Variants in CNTN6 observed in about 807,000 individuals in gnomAD.
CNTN6 encodes the protein contactin 6, also known as contactin-6.
A neutral mutation model predicts 122.8 loss-of-function variants in CNTN6; 137 were observed. That is an observed-to-expected ratio of 1.12 (90% CI 0.97 to 1.29). CNTN6 has a LOEUF of 1.29. Ranked by LOEUF, CNTN6 falls within the 50% of genes most tolerant of loss-of-function variation. The probability of loss-of-function intolerance (pLI) is 0.00; values close to 1 mark genes in which losing one functional copy is unlikely to be tolerated. For missense variants in CNTN6, 1,634 were observed against 1,223.4 expected, an observed-to-expected ratio of 1.34 and a Z score of -5.01; for synonymous variants, 570 against 426.0, an observed-to-expected ratio of 1.34 and a Z score of -4.16.
chr3:1,386,070 CCTT>C (rs1192132667), intron 20 of CNTN6, among the ~76,000 whole-genome samples: 1 of 152,172 alleles, frequency 6.6e-6, no homozygotes, highest in Admixed American at 6.5e-5. Flanking sequence ...CTGACGCCCT[CCTT>C]CTAAATGCAT....
chr3:1,288,661 A>G (rs1694766228), intron 5 of CNTN6, among the ~76,000 whole-genome samples: 2 of 152,212 alleles, frequency 1.3e-5, no homozygotes, highest in African/African-American at 4.8e-5. Context: ...GTGCCAATAG[A>G]AGTTGTCAGT....
intron 4 of CNTN6, among the ~76,000 whole-genome samples, chr3:1,242,395 G>A (rs59918436): frequency 0.093 from 13,929 of 149,676 alleles, 1,035 homozygotes; most frequent in East Asian, 0.33. Context: ...GGTTGATAAG[G>A]CGCAGATCCT....
At chr3:1,401,203 G>A (rs1305411228) in intron 20 of CNTN6, 2 of 435,818 alleles carry the variant, frequency 4.6e-6, no homozygotes, top group Admixed American at 8.7e-5. Context: ...TGGACATGCA[G>A]CAAGCCATTA....
intron 4 of CNTN6, among the ~76,000 whole-genome samples, chr3:1,245,206 ATATATATATAT>A (rs1559594748): frequency 0.016 from 139 of 8,830 alleles, 36 homozygotes; most frequent in African/African-American, 0.088. Context: ...TGATATATAT[ATATATATATAT>A]ATATATATAT....
In CNTN6 at chr3:1,105,994, C is replaced by T. The variant is rs550303167; in HGVS notation, c.-83+12874C>T. Reference sequence around the variant, plus strand: ...TGCCCTTGGTAACCATGATAATCCACTCCATGATGAAGCAGTCAGGAAATG... The same window carrying T: ...TGCCCTTGGTAACCATGATAATCCATTCCATGATGAAGCAGTCAGGAAATG... On this transcript the variant is annotated intron_variant, in intron 1 of 22. Transcript: ENST00000446702. 1.0e-3 allele frequency among the ~76,000 whole-genome samples: 153 copies of T among 152,240 alleles called. 1 individual carries two copies. The highest frequency in any genetic ancestry group is 1.8e-3 in the Non-Finnish European group (123 of 68,006).
chr3:1,240,985 C>T (rs978353488), intron 4 of CNTN6, among the ~76,000 whole-genome samples: 1 of 151,384 alleles, frequency 6.6e-6, no homozygotes, highest in Non-Finnish European at 1.5e-5. Flanking sequence ...AGTACATTCT[C>T]AAGGGTGGGG....
At chr3:1,242,418 A>G (rs907320073) in intron 4 of CNTN6, among the ~76,000 whole-genome samples, 7 of 152,148 alleles carry the variant, frequency 4.6e-5, no homozygotes, top group African/African-American at 1.7e-4. Flanking sequence ...ACTAATCTGT[A>G]AGACTTGTCC....
chr3:1,177,994 G>A (rs1203676091), intron 2 of CNTN6, among the ~76,000 whole-genome samples: 6 of 150,820 alleles, frequency 4.0e-5, no homozygotes, highest in Non-Finnish European at 8.9e-5. Flanking sequence ...TCTGCCTCCC[G>A]GATTCAAGCA....
At chr3:1,294,511 G>A (rs1244316191) in intron 5 of CNTN6, among the ~76,000 whole-genome samples, 3 of 152,260 alleles carry the variant, frequency 2.0e-5, no homozygotes, top group South Asian at 2.1e-4. Context: ...GTTACAGGGG[G>A]TATATAATGG....
At chr3:1,389,508 C>G (rs150377740) in intron 20 of CNTN6, among the ~76,000 whole-genome samples, 1 of 152,166 alleles carries the variant, frequency 6.6e-6, no homozygotes, top group South Asian at 2.1e-4. Flanking sequence ...CATCAACTAA[C>G]GAGCAAAATC....
intron 4 of CNTN6, among the ~76,000 whole-genome samples, chr3:1,253,929 A>T (rs1222859306): frequency 6.6e-6 from 1 of 152,178 alleles, no homozygotes; most frequent in African/African-American, 2.4e-5. Context: ...ATATAAAAAT[A>T]ATGTATGTAT....
chr3:1,385,581 A>C, intron 19 of CNTN6, 30 bp from the exon 20 acceptor site: 2 of 1,544,938 alleles, frequency 1.3e-6, no homozygotes, highest in Non-Finnish European at 1.8e-6. Context: ...GGGGAACAAT[A>C]AATTGCTTGT....
chr3:1,194,709 C>G (rs1167251514), intron 2 of CNTN6, among the ~76,000 whole-genome samples: 2 of 151,918 alleles, frequency 1.3e-5, no homozygotes, highest in African/African-American at 2.4e-5. Flanking sequence ...ATTTCTGTGC[C>G]TTATACATGG....
At chr3:1,277,341 G>GTTTTTTTTTTT (rs1559684658) in intron 4 of CNTN6, among the ~76,000 whole-genome samples, 1 of 66,108 alleles carries the variant, frequency 1.5e-5, no homozygotes. Context: ...CTTTTAGTAG[G>GTTTTTTTTTTT]TTTTCTTTTT....
At chr3:1,258,953 G>A (rs1002092221) in intron 4 of CNTN6, among the ~76,000 whole-genome samples, 4 of 151,996 alleles carry the variant, frequency 2.6e-5, no homozygotes, top group South Asian at 2.1e-4. Flanking sequence ...TTGATTTTCC[G>A]GCCAATGTCT....
At chr3:1,260,667 C>T (rs1178308782) in intron 4 of CNTN6, among the ~76,000 whole-genome samples, 2 of 151,956 alleles carry the variant, frequency 1.3e-5, no homozygotes, top group Non-Finnish European at 2.9e-5. Flanking sequence ...GGGGAGGGAT[C>T]CTGTGGGAGG....
intron 2 of CNTN6, among the ~76,000 whole-genome samples, chr3:1,194,991 T>C (rs893424880): frequency 6.6e-6 from 1 of 152,166 alleles, no homozygotes; most frequent in Admixed American, 6.6e-5. Flanking sequence ...ATCCTTTTCA[T>C]ATGCCTTTAA....
rs144413917 is a variant in CNTN6 at position 1,215,116 on chromosome 3, G to A, written c.56-5571G>A. Among the ~76,000 whole-genome samples the A allele has an allele frequency of 3.3e-5, 5 of 152,300 alleles. No individual in the cohort carries two copies. The East Asian group carries it at 9.6e-4, about 29-fold the overall frequency. On this transcript the variant is annotated intron_variant, in intron 2 of 22. Coordinates refer to ENST00000446702, the MANE Select transcript of CNTN6 (RefSeq NM_001289080.2). Reference sequence around the variant, plus strand: ...AGTCTTCTTAAAGAAGCTTCCTCTTGATGTTCTTCAAATATTAGTCACTTA... The same window carrying A: ...AGTCTTCTTAAAGAAGCTTCCTCTTAATGTTCTTCAAATATTAGTCACTTA...
At chr3:1,286,319 G>A (rs528721576) in intron 5 of CNTN6, among the ~76,000 whole-genome samples, 4 of 152,232 alleles carry the variant, frequency 2.6e-5, no homozygotes, top group Admixed American at 2.6e-4. Context: ...TCTACATTAG[G>A]TTTTTCTCCT....
Sources: gnomAD v4.1 joint callset for allele counts (sites outside exome capture counted in the v4.1 genomes callset) on GRCh38, gnomAD v4.1.1 for gene constraint, MANE v1.5 for transcripts, NCBI Gene and HGNC (gene_info 2026-07-23, HGNC 2026-07-21) for gene names.